Variants in SLAMF6 observed in about 807,000 individuals in gnomAD.
SLAMF6 encodes SLAM family member 6, also known as NK-T-B-antigen.
In SLAMF6, 21 loss-of-function variants were observed where a neutral mutation model predicts 38.3. The observed-to-expected ratio is 0.55, with a 90% confidence interval of 0.39 to 0.79. SLAMF6 has a LOEUF of 0.79. Ranked by LOEUF, SLAMF6 falls within the 30% of genes least tolerant of loss-of-function variation. The probability of loss-of-function intolerance (pLI) is 0.00; values close to 1 mark genes in which losing one functional copy is unlikely to be tolerated. For synonymous variants in SLAMF6, 152 were observed against 146.3 expected (o/e 1.04, Z -0.28); for missense variants, 341 against 385.3 (o/e 0.89, Z 0.96).
chr1:160,506,135 A>G (rs902017149), intron 1 of SLAMF6, among the ~76,000 whole-genome samples: 12 of 152,186 alleles, frequency 7.9e-5, no homozygotes, highest in Non-Finnish European at 1.6e-4. Flanking sequence ...CCCAAACTTT[A>G]TAGAAGACAT....
intron 1 of SLAMF6, among the ~76,000 whole-genome samples, chr1:160,520,860 A>G (rs1654954150): frequency 6.6e-6 from 1 of 152,172 alleles, no homozygotes; most frequent in Admixed American, 6.5e-5. Context: ...TTCCCTTCCT[A>G]AATCACTCCA....
At chr1:160,500,033 C>T (rs1653801777) in intron 1 of SLAMF6, among the ~76,000 whole-genome samples, 1 of 152,180 alleles carries the variant, frequency 6.6e-6, no homozygotes, top group South Asian at 2.1e-4. Flanking sequence ...CAAATCTATG[C>T]TGTCAGAAGT....
intron 1 of SLAMF6, 146 bp downstream of exon 1, chr1:160,522,998 T>C (rs1406491227): frequency 4.0e-6 from 3 of 745,674 alleles, no homozygotes; most frequent in East Asian, 5.7e-5. Flanking sequence ...GGTAGTAGTA[T>C]ATCAGGTAAC....
At chr1:160,513,681 A>G (rs1347507489) in intron 1 of SLAMF6, among the ~76,000 whole-genome samples, 1 of 152,254 alleles carries the variant, frequency 6.6e-6, no homozygotes, top group Non-Finnish European at 1.5e-5. Context: ...AAACTTTACA[A>G]GCCAGAAGAG....
At chr1:160,507,633 T>C (rs1654259860) in intron 1 of SLAMF6, among the ~76,000 whole-genome samples, 1 of 152,114 alleles carries the variant, frequency 6.6e-6, no homozygotes, top group Admixed American at 6.6e-5. Context: ...ACAGACCATA[T>C]ATTAGGCCAC....
intron 1 of SLAMF6, among the ~76,000 whole-genome samples, chr1:160,510,734 C>A (rs1377987558): frequency 6.6e-6 from 1 of 151,966 alleles, no homozygotes; most frequent in African/African-American, 2.4e-5. Context: ...AAGTTCTAGC[C>A]AGAGCAATTA....
chr1:160,506,041 A>C (rs1436520529), intron 1 of SLAMF6, among the ~76,000 whole-genome samples: 1 of 152,240 alleles, frequency 6.6e-6, no homozygotes, highest in South Asian at 2.1e-4. Context: ...AATACCAAAA[A>C]ATAAGCATAA....
At chr1:160,487,202 C>T (rs1653012615) in intron 6 of SLAMF6, 27 bp from the exon 7 acceptor site, 1 of 1,602,312 alleles carries the variant, frequency 6.2e-7, no homozygotes, top group Non-Finnish European at 8.5e-7. Flanking sequence ...ACCAATTTGG[C>T]TTACACAGAG....
At chr1:160,490,774 C>T in intron 3 of SLAMF6, 89 bp from the exon 4 acceptor site, 1 of 1,520,840 alleles carries the variant, frequency 6.6e-7, no homozygotes, top group Non-Finnish European at 8.8e-7. Flanking sequence ...TCTAGGCCAT[C>T]TTTGGGGACT....
chr1:160,496,530 G>A (rs2102028051), intron 1 of SLAMF6, 137 bp from the exon 2 acceptor site: 1 of 817,862 alleles, frequency 1.2e-6, no homozygotes, highest in Non-Finnish European at 1.9e-6. Context: ...AGTAGGAAAG[G>A]GTAGGAGATG....
At chr1:160,515,062 C>A (rs12075278) in intron 1 of SLAMF6, among the ~76,000 whole-genome samples, 5,216 of 151,952 alleles carry the variant, frequency 0.034, 345 homozygotes, top group African/African-American at 0.12. Flanking sequence ...ATCAAGGAGT[C>A]CAGAATCTGG....
intron 1 of SLAMF6, among the ~76,000 whole-genome samples, chr1:160,504,713 T>C (rs1654089979): frequency 6.6e-6 from 1 of 152,192 alleles, no homozygotes; most frequent in South Asian, 2.1e-4. Flanking sequence ...CATCAATACC[T>C]GGGGCAAAAC....
chr1:160,506,207 A>G (rs912068247), intron 1 of SLAMF6, among the ~76,000 whole-genome samples: 1 of 152,310 alleles, frequency 6.6e-6, no homozygotes. Context: ...GAGATCCATA[A>G]CAAGACATAT....
intron 1 of SLAMF6, among the ~76,000 whole-genome samples, chr1:160,500,208 T>C (rs980489778): frequency 4.6e-5 from 7 of 152,340 alleles, no homozygotes; most frequent in African/African-American, 1.4e-4. Flanking sequence ...ATTCGTATAG[T>C]TTTTCTCTTT....
intron 1 of SLAMF6, among the ~76,000 whole-genome samples, chr1:160,505,416 T>A (rs1654130802): frequency 6.6e-6 from 1 of 152,198 alleles, no homozygotes; most frequent in Admixed American, 6.5e-5. Context: ...AACTGTCTTT[T>A]TTTGAGACAG....
chr1:160,511,636 T>A (rs1415675989), intron 1 of SLAMF6, among the ~76,000 whole-genome samples: 1 of 152,180 alleles, frequency 6.6e-6, no homozygotes, highest in African/African-American at 2.4e-5. Flanking sequence ...ATGATAAATA[T>A]TCATGATTTT....
In SLAMF6 at chr1:160,485,202, C is replaced by G. The variant is rs1652907473; in HGVS notation, c.*1505G>C. On this transcript the variant is annotated 3_prime_UTR_variant, in exon 8 of 8. Coordinates refer to ENST00000368057, the MANE Select transcript of SLAMF6 (RefSeq NM_001184714.2). ...AGTAGCTGGGATTTTAGGGGTGCAC[C>G]ACCACGCCTGGCTAATTTTTTTGTA... 1 of 152,020 alleles carries G rather than the reference C, an allele frequency of 6.6e-6. No individual in the cohort carries two copies. The highest frequency in any genetic ancestry group is 3.2e-3 in the Middle Eastern group (1 of 316). 9.4% of individuals were successfully genotyped at this position (152,020 alleles called of 1,614,324 possible). A position where few individuals can be genotyped will look rare whatever the true frequency, so the allele number is the denominator to read the frequency against.
At chr1:160,488,652 C>G (rs1465303604) in intron 6 of SLAMF6, among the ~76,000 whole-genome samples, 1 of 152,234 alleles carries the variant, frequency 6.6e-6, no homozygotes, top group East Asian at 1.9e-4. Flanking sequence ...TTCTGAACTC[C>G]CCTAAGACCC....
At chr1:160,503,704 C>G (rs1004733198) in intron 1 of SLAMF6, among the ~76,000 whole-genome samples, 1 of 152,030 alleles carries the variant, frequency 6.6e-6, no homozygotes, top group Non-Finnish European at 1.5e-5. Context: ...CACACTCATG[C>G]GAACACACAC....
Sources: allele counts gnomAD v4.1 joint callset (sites outside exome capture counted in the v4.1 genomes callset), GRCh38; gene constraint gnomAD v4.1.1; transcripts MANE v1.5; gene names NCBI Gene and HGNC (gene_info 2026-07-23, HGNC 2026-07-21).